The following BACH1 variants were observed in gnomAD, a reference collection of about 807,000 sequenced individuals.
The protein encoded by BACH1 is transcription regulator protein BACH1.
A neutral mutation model predicts 52.9 loss-of-function variants in BACH1; 35 were observed. The observed-to-expected ratio is 0.66, with a 90% confidence interval of 0.51 to 0.88. BACH1 has a LOEUF of 0.88. Among genes scored for constraint, BACH1 ranks in the 40% least tolerant of loss-of-function variants. The pLI, the probability that BACH1 is intolerant of heterozygous loss-of-function variation, is 0.00. For missense variants in BACH1, 808 were observed against 872.6 expected, an observed-to-expected ratio of 0.93 and a Z score of 0.93; for synonymous variants, 321 against 319.6, an observed-to-expected ratio of 1.00 and a Z score of -0.05.
chr21:29,345,737 T>TA lies in BACH1; in HGVS notation c.*2905dup, dbSNP rs2089162544. ...CAACTTGGGAAAAAAATGGCAATGT[T>TA]ACGGTGAATTCTCAGGTGAACTTTT... On this transcript the variant is annotated 3_prime_UTR_variant, in exon 5 of 5. Transcript: ENST00000286800. 6.6e-6 allele frequency: 1 copy of TA among 152,618 alleles called. No homozygotes were observed. 9.5% of individuals were successfully genotyped at this position (152,618 alleles called of 1,614,324 possible).
chr21:29,320,120 G>A (rs2088831363), intron 1 of BACH1, among the ~76,000 whole-genome samples: 1 of 152,128 alleles, frequency 6.6e-6, no homozygotes, highest in Non-Finnish European at 1.5e-5. Context: ...TTTGTTTGGA[G>A]TGTGTAGCAA....
chr21:29,313,462 A>G (rs567580501), intron 1 of BACH1, among the ~76,000 whole-genome samples: 1 of 152,376 alleles, frequency 6.6e-6, no homozygotes, highest in African/African-American at 2.4e-5. Context: ...GAAAAGTGAT[A>G]CACGAAATAT....
rs1207111051 is a variant in BACH1 at position 29,344,090 on chromosome 21, A to G, written c.*1257A>G. The G allele has an allele frequency of 6.6e-6, 1 of 152,198 alleles. No homozygotes were observed. 9.4% of individuals were successfully genotyped at this position (152,198 alleles called of 1,614,324 possible). A position where few individuals can be genotyped will look rare whatever the true frequency, so the allele number is the denominator to read the frequency against. On this transcript the variant is annotated 3_prime_UTR_variant, in exon 5 of 5. Coordinates refer to ENST00000286800, the MANE Select transcript of BACH1 (RefSeq NM_001186.4). ...GATAACTGAGCACCTATCGCATAACATTTTGCGGTGGCTTTTAGCCATGCT... is the reference window on the plus strand; with the variant it reads ...GATAACTGAGCACCTATCGCATAACGTTTTGCGGTGGCTTTTAGCCATGCT...
chr21:29,351,463 C>T (rs1332276438), intron 2 of BACH1, among the ~76,000 whole-genome samples: 4 of 152,148 alleles, frequency 2.6e-5, no homozygotes, highest in Non-Finnish European at 5.9e-5. Context: ...TAAATGATAG[C>T]CTTAACTGCT....
chr21:29,299,356 C>T (rs2088576882), intron 1 of BACH1: 1 of 152,244 alleles, frequency 6.6e-6, no homozygotes. Flanking sequence ...ATCAGCACCG[C>T]CCTCGCGGCT....
At chr21:29,299,138 G>C (rs2088573493) in intron 1 of BACH1, among the ~76,000 whole-genome samples, 185 bp downstream of exon 1, 1 of 151,576 alleles carries the variant, frequency 6.6e-6, no homozygotes. Flanking sequence ...GCCGGCGGCC[G>C]GGATCCTGGA....
intron 1 of BACH1, among the ~76,000 whole-genome samples, chr21:29,308,695 A>T (rs2088686364): frequency 6.6e-6 from 1 of 152,214 alleles, no homozygotes; most frequent in South Asian, 2.1e-4. Context: ...AAAGAATATG[A>T]ATTATGGTTG....
In BACH1 at chr21:29,342,588, GAT is replaced by G. The variant is rs767421964; in HGVS notation, c.1968_1969del (p.Asp656GlufsTer5). ...CPLSFLISEK[D>X]KSTPDGELAL... ...ACTTTCATTTTTAATTTCTGAAAAA[GAT>G]AAAAGTACTCCTGATGGTGAACTGG... On this transcript the variant is annotated frameshift_variant, in exon 5 of 5. Coordinates refer to ENST00000286800, the MANE Select transcript of BACH1 (RefSeq NM_001186.4). LOFTEE classifies it low-confidence loss of function (END_TRUNC). The G allele has an allele frequency of 2.5e-6, 4 of 1,614,206 alleles. No individual in the cohort carries two copies. The South Asian group carries it at 3.3e-5, about 13-fold the overall frequency.
chr21:29,343,781 A>C lies in BACH1; in HGVS notation c.*948A>C, dbSNP rs754383387. 2 of 152,212 alleles carry C rather than the reference A, an allele frequency of 1.3e-5. No homozygotes were observed. The highest frequency in any genetic ancestry group is 6.5e-5 in the Admixed American group (1 of 15,284). 9.4% of individuals were successfully genotyped at this position (152,212 alleles called of 1,614,324 possible). ...ACATCACGGGGAAAGAATGTTGCTT[A>C]CTTTTTACCAGGAGTGCAGTTCATT... On this transcript the variant is annotated 3_prime_UTR_variant, in exon 5 of 5. Coordinates refer to ENST00000286800, the MANE Select transcript of BACH1 (RefSeq NM_001186.4).
chr21:29,330,313 T>G (rs1381019909), intron 4 of BACH1, among the ~76,000 whole-genome samples: 3 of 152,030 alleles, frequency 2.0e-5, no homozygotes, highest in African/African-American at 7.2e-5. Flanking sequence ...TACAGGCGCC[T>G]GCCACTGCGC....
At chr21:29,338,839 C>A (rs1019919730) in intron 4 of BACH1, among the ~76,000 whole-genome samples, 2 of 150,844 alleles carry the variant, frequency 1.3e-5, no homozygotes, top group East Asian at 3.9e-4. Context: ...ATTTTTTTTT[C>A]CCTGTGTTTC....
intron 4 of BACH1, among the ~76,000 whole-genome samples, chr21:29,342,050 T>TA (rs1357217964): frequency 6.6e-6 from 1 of 152,210 alleles, no homozygotes; most frequent in Non-Finnish European, 1.5e-5. Context: ...TTAGACTACA[T>TA]AGTCTTTATC....
intron 1 of BACH1, among the ~76,000 whole-genome samples, chr21:29,317,422 G>A (rs1200000157): frequency 2.6e-5 from 4 of 152,354 alleles, no homozygotes; most frequent in Non-Finnish European, 5.9e-5. Context: ...AGAACTAAAA[G>A]GTGAGGCATT....
At chr21:29,338,729 T>C (rs1268221773) in intron 4 of BACH1, among the ~76,000 whole-genome samples, 1 of 152,216 alleles carries the variant, frequency 6.6e-6, no homozygotes, top group Admixed American at 6.5e-5. Context: ...ACATTAAAAC[T>C]ATATTTTAAA....
chr21:29,354,489 G>A (rs1487590229), intron 2 of BACH1, among the ~76,000 whole-genome samples: 1 of 152,186 alleles, frequency 6.6e-6, no homozygotes, highest in African/African-American at 2.4e-5. Context: ...AGGTGGACTG[G>A]ACCAGGGATG....
chr21:29,300,757 C>T (rs1435591684), intron 1 of BACH1: 2 of 152,216 alleles, frequency 1.3e-5, no homozygotes, highest in Non-Finnish European at 2.9e-5. Flanking sequence ...TATGAGTACA[C>T]AGAAGGGACT....
chr21:29,333,373 T>C (rs1377759502), intron 4 of BACH1, among the ~76,000 whole-genome samples: 1 of 152,222 alleles, frequency 6.6e-6, no homozygotes, highest in East Asian at 1.9e-4. Flanking sequence ...TATTTGTGTA[T>C]ATTTTAATCT....
intron 1 of BACH1, among the ~76,000 whole-genome samples, chr21:29,315,478 G>A (rs1437379069): frequency 6.6e-6 from 1 of 152,184 alleles, no homozygotes; most frequent in African/African-American, 2.4e-5. Flanking sequence ...GGCAAAGGTG[G>A]AAATTCCAAA....
chr21:29,316,709 T>G (rs1383811841), intron 1 of BACH1, among the ~76,000 whole-genome samples: 2 of 152,236 alleles, frequency 1.3e-5, no homozygotes, highest in African/African-American at 4.8e-5. Context: ...ACTTCTGTAG[T>G]GCCTCATGCT....
Sources: gnomAD v4.1 joint callset for allele counts (sites outside exome capture counted in the v4.1 genomes callset) on GRCh38, gnomAD v4.1.1 for gene constraint, MANE v1.5 for transcripts, NCBI Gene and HGNC (gene_info 2026-07-23, HGNC 2026-07-21) for gene names.